GK5: variants seen among roughly 807,000 people sequenced by gnomAD.
The protein encoded by GK5 is glycerol kinase 5, also known as ATP:glycerol 3-phosphotransferase 5.
GK5 carries 39 observed loss-of-function variants against 77.3 expected under a neutral mutation model. The ratio of observed to expected loss-of-function variants is 0.50; its 90% CI spans 0.39 to 0.66. The LOEUF (loss-of-function observed/expected upper bound fraction) is 0.66. Ranked by LOEUF, GK5 falls within the 30% of genes least tolerant of loss-of-function variation. The pLI, the probability that GK5 is intolerant of heterozygous loss-of-function variation, is 0.00. For synonymous variants in GK5, 211 were observed against 208.0 expected (o/e 1.01, Z -0.13); for missense variants, 487 against 633.8 (o/e 0.77, Z 2.49).
chr3:142,185,961 T>G lies in GK5; in HGVS notation c.784A>C (p.Ile262Leu). 3.7e-6 allele frequency: 6 copies of G among 1,610,832 alleles called. No homozygotes were observed. The highest frequency in any genetic ancestry group is 5.1e-6 in the Non-Finnish European group (6 of 1,178,400). Residue 262 changes from isoleucine to leucine, a missense_variant, in exon 9 of 16, where the codon ATA becomes CTA. Around this residue, in one of 4 missense-constraint regions of GK5, gnomAD observed 323 missense variants for 437.4 expected, o/e 0.74. Coordinates refer to ENST00000392993, the MANE Select transcript of GK5 (RefSeq NM_001039547.3). ...SHNFGSVDEE[I>L]FGVPIPIVAL... ...ACTATTGGTATAGGCACACCAAATA[T>G]CTCTTCATCCACTGATCCAAAATTG...
Position 142,198,826 on chromosome 3 carries a change from G to C in GK5, c.519C>G (p.Val173=). The part of the protein sequence containing the change: ...FTTQQTSLRL[V]WILQNLTEVQ... ...CCTCAGTCAAGTTCTGTAAAATCCA[G>C]ACCAATCTCAAAGAAGTCTGCTGGG... The change falls in exon 5 of 16, where the codon GTC becomes GTG. Residue 173 remains valine, a synonymous_variant. Transcript: ENST00000392993. The C allele has an allele frequency of 6.2e-7, 1 of 1,612,082 alleles. No individual in the cohort carries two copies. Among genetic ancestry groups the C allele is most frequent in the Non-Finnish European group, 8.5e-7 (1 of 1,179,228 alleles).
At chr3:142,182,821 A>G (rs2063715264) in intron 10 of GK5, 102 bp downstream of exon 10, 4 of 731,564 alleles carry the variant, frequency 5.5e-6, no homozygotes, top group Non-Finnish European at 9.0e-6. Flanking sequence ...AAAATATGTT[A>G]GAGAATATCA....
chr3:142,188,307 G>A (rs1448031692), intron 5 of GK5, among the ~76,000 whole-genome samples: 2 of 152,060 alleles, frequency 1.3e-5, no homozygotes, highest in African/African-American at 2.4e-5. Context: ...CGAGGCGGGC[G>A]GATCATGAGG....
At chr3:142,166,059 G>A (rs1317784175) in intron 15 of GK5, among the ~76,000 whole-genome samples, 1 of 152,072 alleles carries the variant, frequency 6.6e-6, no homozygotes, top group African/African-American at 2.4e-5. Context: ...TTCATAACTT[G>A]CTATTATTAA....
chr3:142,175,008 C>A (rs547444906), intron 12 of GK5, among the ~76,000 whole-genome samples: 1 of 152,236 alleles, frequency 6.6e-6, no homozygotes, highest in African/African-American at 2.4e-5. Context: ...CAGAGCAAAG[C>A]TGGTAATGAA....
chr3:142,171,673 G>C (rs1165525865), intron 13 of GK5, among the ~76,000 whole-genome samples, 195 bp from the exon 14 acceptor site: 1 of 151,970 alleles, frequency 6.6e-6, no homozygotes, highest in Non-Finnish European at 1.5e-5. Flanking sequence ...AAGAAGCGCA[G>C]GTCCTTGTGT....
In GK5 at chr3:142,186,224, A is replaced by G. The variant is rs2107777826; in HGVS notation, c.725T>C (p.Leu242Pro). 6.2e-7 allele frequency: 1 copy of G among 1,605,422 alleles called. No individual in the cohort carries two copies. Among genetic ancestry groups the G allele is most frequent in the East Asian group, 2.2e-5 (1 of 44,776 alleles). Residue 242 changes from leucine (L) to proline (P), a missense_variant, in exon 8 of 16, where the codon CTT (leucine) becomes CCT (proline). Physicochemically the swap from Leu to Pro is moderately conservative, Grantham distance 98. Transcript: ENST00000392993. ...GTCCCTCACAGGAGGTAGGAGAGAAAGTGGTATCGAAATTAGAGAGGTAAT... is the reference window on the plus strand; with the variant it reads ...GTCCCTCACAGGAGGTAGGAGAGAAGGTGGTATCGAAATTAGAGAGGTAAT... Reference protein sequence around the residue: ...GMITSLISIPLSLLPPVRDTS... With the variant: ...GMITSLISIPPSLLPPVRDTS...
rs2063773687 is a variant in GK5 at position 142,186,531 on chromosome 3, AT to A, written c.620-19del. 6.6e-6 allele frequency: 8 copies of A among 1,220,796 alleles called. No individual in the cohort carries two copies. The highest frequency in any genetic ancestry group is 9.3e-6 in the Non-Finnish European group (8 of 856,062). 75.6% of individuals were successfully genotyped at this position (1,220,796 alleles called of 1,614,324 possible). On this transcript the variant is annotated intron_variant, in intron 6 of 15. Transcript: ENST00000392993. ...TACAGAACCTAAATTTAAATAGGAA[AT>A]AATACATTTATTATCAGATAGTATA...
In GK5 at chr3:142,213,554, G is replaced by T. The variant is rs774497258; in HGVS notation, c.289C>A (p.Gln97Lys). 3 of 1,611,564 alleles carry T rather than the reference G, an allele frequency of 1.9e-6. No individual in the cohort carries two copies. The Admixed American group carries it at 5.0e-5, about 27-fold the overall frequency. ...NQIVGLGISTQRATFITWNKK... is the reference protein window; with the variant it reads ...NQIVGLGISTKRATFITWNKK... ...TTCCACGTAATAAAAGTTGCTCTCT[G>T]TGTTGAAATGCCAAGACCAACAATT... The change falls in exon 3 of 16, where the codon CAG (glutamine) becomes AAG (lysine). Residue 97 changes from glutamine to lysine, a missense_variant. Around this residue, in one of 4 missense-constraint regions of GK5, gnomAD observed 323 missense variants for 437.4 expected, o/e 0.74. Coordinates refer to ENST00000392993, the MANE Select transcript of GK5 (RefSeq NM_001039547.3).
intron 3 of GK5, among the ~76,000 whole-genome samples, chr3:142,209,234 T>A (rs753036354): frequency 6.6e-6 from 1 of 151,766 alleles, no homozygotes; most frequent in East Asian, 1.9e-4. Context: ...GCTTCAGAAA[T>A]GGCAATGGAT....
In GK5 at chr3:142,185,689, G is replaced by C. The variant is rs76546479; in HGVS notation, c.816+240C>G. ...AAGTTTTCTGATAAACAATATACAA[G>C]CAAGTCAGAAAAGGTTATAAAGTAC... On this transcript the variant is annotated intron_variant, in intron 9 of 15. Coordinates refer to ENST00000392993, the MANE Select transcript of GK5 (RefSeq NM_001039547.3). 1,803 of 1,389,650 alleles carry C rather than the reference G, an allele frequency of 1.3e-3. 20 individuals are homozygous for C. The African/African-American group carries it at 0.024, about 18-fold the overall frequency. 86.1% of individuals were successfully genotyped at this position (1,389,650 alleles called of 1,614,324 possible).
chr3:142,211,650 G>T (rs1266755299), intron 3 of GK5, among the ~76,000 whole-genome samples: 1 of 152,132 alleles, frequency 6.6e-6, no homozygotes, highest in African/African-American at 2.4e-5. Context: ...AAATTAGCCA[G>T]CCATAGTGTG....
chr3:142,204,891 A>T (rs2064082009), intron 3 of GK5, 103 bp from the exon 4 acceptor site: 1 of 654,434 alleles, frequency 1.5e-6, no homozygotes, highest in Admixed American at 2.8e-5. Context: ...CTGTAATTGC[A>T]AAGTATAATT....
At chr3:142,166,009 A>T (rs1036302468) in intron 15 of GK5, among the ~76,000 whole-genome samples, 1 of 152,270 alleles carries the variant, frequency 6.6e-6, no homozygotes, top group Non-Finnish European at 1.5e-5. Context: ...GTGGGACACC[A>T]CATCACTTCT....
In GK5 at chr3:142,186,255, C is replaced by A; in HGVS notation, c.694G>T (p.Gly232Trp). 6.2e-7 allele frequency: 1 copy of A among 1,602,374 alleles called. No individual in the cohort carries two copies. The highest frequency in any genetic ancestry group is 8.5e-7 in the Non-Finnish European group (1 of 1,169,618). Residue 232 changes from glycine (G) to tryptophan (W), a missense_variant, in exon 8 of 16, where the codon GGG becomes TGG. Gly to Trp is a radical substitution (Grantham distance 184). Coordinates refer to ENST00000392993, the MANE Select transcript of GK5 (RefSeq NM_001039547.3). ...ATCGAAATTAGAGAGGTAATCATCC[C>A]ACTCCAACACATCTGAGCATAAAAA... ...LFDPYKMCWS[G>W]MITSLISIPL... is the part of the protein sequence containing the mutation.
chr3:142,200,121 A>C (rs1470863232), intron 4 of GK5, among the ~76,000 whole-genome samples: 2 of 151,714 alleles, frequency 1.3e-5, no homozygotes, highest in Non-Finnish European at 2.9e-5. Context: ...ACACACACAC[A>C]AACACATACA....
rs914932102 is a variant in GK5 at position 142,198,994 on chromosome 3, C to A, written c.412-61G>T. On this transcript the variant is annotated intron_variant, in intron 4 of 15. Transcript: ENST00000392993. ...TTAGTAGTGTTTAAAATTTCCACAT[C>A]AATTCTATATACATGCAAACAAACC... 2.4e-6 allele frequency: 3 copies of A among 1,264,772 alleles called. No individual in the cohort carries two copies. In the African/African-American group the frequency reaches 4.5e-5, roughly 19 times the overall value. 78.3% of individuals were successfully genotyped at this position (1,264,772 alleles called of 1,614,324 possible).
rs982259133 is a variant in GK5 at position 142,159,441 on chromosome 3, T to C, written c.*6181A>G. The C allele has an allele frequency of 3.3e-5, 5 of 152,152 alleles. No homozygotes were observed. The highest frequency in any genetic ancestry group is 4.8e-5 in the African/African-American group (2 of 41,432). 9.4% of individuals were successfully genotyped at this position (152,152 alleles called of 1,614,324 possible). A position where few individuals can be genotyped will look rare whatever the true frequency, so the allele number is the denominator to read the frequency against. On this transcript the variant is annotated 3_prime_UTR_variant, in exon 16 of 16. Transcript: ENST00000392993. ...TTTATAGTAAAGTGGGGAAAGACAGTAGAAATAGAATAACAGAGAATTTCA... is the reference window on the plus strand; with the variant it reads ...TTTATAGTAAAGTGGGGAAAGACAGCAGAAATAGAATAACAGAGAATTTCA...
chr3:142,170,197 T>G, intron 15 of GK5, 128 bp downstream of exon 15: 1 of 926,864 alleles, frequency 1.1e-6, no homozygotes, highest in Non-Finnish European at 1.8e-6. Context: ...AATATGCATA[T>G]GTGTATGGAG....
Sources: allele counts gnomAD v4.1 joint callset (sites outside exome capture counted in the v4.1 genomes callset), GRCh38; gene constraint gnomAD v4.1.1; regional missense constraint gnomAD v4.1.1; transcripts MANE v1.5; gene names NCBI Gene and HGNC (gene_info 2026-07-23, HGNC 2026-07-21).